Variants in NFU1 observed in about 807,000 individuals in gnomAD.
NFU1 encodes NFU1 iron-sulfur cluster scaffold.
A neutral mutation model predicts 32.2 loss-of-function variants in NFU1; 30 were observed. The ratio of observed to expected loss-of-function variants is 0.93; its 90% CI spans 0.70 to 1.26. The LOEUF (loss-of-function observed/expected upper bound fraction) is 1.26, where lower values mean the gene tolerates loss of function less well. Among genes scored for constraint, NFU1 ranks in the 50% most tolerant of loss-of-function variants. NFU1 has a pLI of 0.00. For missense variants in NFU1, 306 were observed against 306.6 expected (o/e 1.00, Z 0.02); for synonymous variants, 112 against 104.6 (o/e 1.07, Z -0.43).
chr2:69,409,483 A>T (rs569981471), intron 5 of NFU1, among the ~76,000 whole-genome samples: 1 of 152,340 alleles, frequency 6.6e-6, no homozygotes, highest in Admixed American at 6.5e-5. Flanking sequence ...AAAGATAATT[A>T]TACAAATGTT....
At chr2:69,414,269 T>G (rs1672981210) in intron 5 of NFU1, among the ~76,000 whole-genome samples, 1 of 152,074 alleles carries the variant, frequency 6.6e-6, no homozygotes, top group Admixed American at 6.6e-5. Context: ...TTTTTTGAAA[T>G]GGATATGTTT....
chr2:69,433,432 G>A lies in NFU1; in HGVS notation c.63-1427C>T, dbSNP rs150497872. On this transcript the variant is annotated intron_variant, in intron 1 of 7. Transcript: ENST00000410022. ...TGACCTCAGGTGATCCTCCCGTATC[G>A]GCCTCCCAAAGTGCTGAGATTACAG... is the stretch of plus-strand genomic sequence containing the variant. Among the ~76,000 whole-genome samples, 970 of 151,482 alleles carry A rather than the reference G, an allele frequency of 6.4e-3. 8 individuals carry two copies. The highest frequency in any genetic ancestry group is 0.022 in the African/African-American group (889 of 41,334).
chr2:69,431,262 C>T (rs1011102358), intron 2 of NFU1, among the ~76,000 whole-genome samples: 1 of 152,054 alleles, frequency 6.6e-6, no homozygotes, highest in Non-Finnish European at 1.5e-5. Context: ...AAAAAAAGGA[C>T]AGCAGTAGCT....
chr2:69,433,971 A>C (rs1332844816), intron 1 of NFU1, among the ~76,000 whole-genome samples: 3 of 144,078 alleles, frequency 2.1e-5, no homozygotes, highest in African/African-American at 7.8e-5. Flanking sequence ...TCTGGTAGAG[A>C]TGGATTACCA....
chr2:69,426,202 C>T (rs961662863), intron 2 of NFU1, among the ~76,000 whole-genome samples: 10 of 152,240 alleles, frequency 6.6e-5, no homozygotes, highest in African/African-American at 1.9e-4. Context: ...GAACTCCTGG[C>T]CTCAGGCGAT....
At chr2:69,401,173 A>G (rs746134852) in intron 6 of NFU1, among the ~76,000 whole-genome samples, 5 of 152,192 alleles carry the variant, frequency 3.3e-5, no homozygotes, top group Non-Finnish European at 5.9e-5. Flanking sequence ...CTAAGTTTTC[A>G]CAAAGTGAAC....
At chr2:69,398,549 G>A (rs1263487147) in intron 7 of NFU1, among the ~76,000 whole-genome samples, 1 of 152,140 alleles carries the variant, frequency 6.6e-6, no homozygotes, top group East Asian at 1.9e-4. Context: ...CATAAATCTT[G>A]CCCTTAAGCA....
intron 2 of NFU1, 33 bp from the exon 3 acceptor site, chr2:69,423,750 G>GA: frequency 1.3e-6 from 2 of 1,500,916 alleles, no homozygotes; most frequent in Non-Finnish European, 1.8e-6. Flanking sequence ...TGTTATTCTA[G>GA]AAAAAACAGT....
At position 69,437,349 on chromosome 2, in the gene NFU1, C is replaced by T. The variant is rs1180911781; in HGVS notation, c.62+12G>A. The T allele has an allele frequency of 3.7e-6, 6 of 1,605,116 alleles. No individual in the cohort carries two copies. Among genetic ancestry groups the T allele is most frequent in the South Asian group, 2.2e-5 (2 of 90,320 alleles). On this transcript the variant is annotated intron_variant, in intron 1 of 7. Coordinates refer to ENST00000410022, the MANE Select transcript of NFU1 (RefSeq NM_001002755.4). ...CGGCACACCTATTCGGAGCTCCAGGCTCGTCACCTACCGCCTGCGCAGCCC... is the reference window on the plus strand; with the variant it reads ...CGGCACACCTATTCGGAGCTCCAGGTTCGTCACCTACCGCCTGCGCAGCCC...
At chr2:69,423,496 G>A (rs372329450) in intron 3 of NFU1, 86 bp downstream of exon 3, 4 of 1,217,848 alleles carry the variant, frequency 3.3e-6, no homozygotes, top group African/African-American at 1.5e-5. Context: ...ACATAGAAAT[G>A]CAATAGTTAA....
At chr2:69,431,263 A>G (rs1161229506) in intron 2 of NFU1, among the ~76,000 whole-genome samples, 1 of 152,194 alleles carries the variant, frequency 6.6e-6, no homozygotes, top group East Asian at 1.9e-4. Context: ...AAAAAAGGAC[A>G]GCAGTAGCTT....
intron 6 of NFU1, among the ~76,000 whole-genome samples, chr2:69,401,176 A>G (rs1672510441): frequency 6.6e-6 from 1 of 152,174 alleles, no homozygotes; most frequent in Non-Finnish European, 1.5e-5. Context: ...AGTTTTCACA[A>G]AGTGAACACA....
intron 3 of NFU1, among the ~76,000 whole-genome samples, chr2:69,422,635 T>G (rs1442212892): frequency 6.6e-6 from 1 of 152,124 alleles, no homozygotes; most frequent in Non-Finnish European, 1.5e-5. Flanking sequence ...AGTAAAAATA[T>G]AAGTTTTTAT....
chr2:69,425,752 T>C (rs1309193800), intron 2 of NFU1, among the ~76,000 whole-genome samples: 2 of 151,110 alleles, frequency 1.3e-5, no homozygotes, highest in African/African-American at 4.9e-5. Flanking sequence ...TCCCAAAGTG[T>C]TGGGATTACA....
chr2:69,438,117 A>G (rs1294775262), upstream of NFU1, among the ~76,000 whole-genome samples: 1 of 152,158 alleles, frequency 6.6e-6, no homozygotes, highest in Admixed American at 6.5e-5. Flanking sequence ...CAAAGTGCGG[A>G]CTAGGGGCCA....
At chr2:69,437,716 G>A, upstream of NFU1, 1 of 528,268 alleles carries the variant, frequency 1.9e-6, no homozygotes, top group African/African-American at 1.9e-5. Flanking sequence ...TAGGTTTTTA[G>A]CTGGTGCTGG....
chr2:69,437,313 GC>G (rs770270016), intron 1 of NFU1, 47 bp downstream of exon 1: 1 of 1,579,396 alleles, frequency 6.3e-7, no homozygotes, highest in African/African-American at 1.3e-5. Flanking sequence ...CGCTCCGCTG[GC>G]TAAGCCCAGC....
At chr2:69,430,278 T>C (rs949006916) in intron 2 of NFU1, among the ~76,000 whole-genome samples, 1 of 151,948 alleles carries the variant, frequency 6.6e-6, no homozygotes, top group African/African-American at 2.4e-5. Context: ...AGTGGCATGA[T>C]TACAGCTCAC....
At chr2:69,425,623 G>A (rs1472288128) in intron 2 of NFU1, among the ~76,000 whole-genome samples, 6 of 151,864 alleles carry the variant, frequency 4.0e-5, no homozygotes, top group Admixed American at 3.9e-4. Flanking sequence ...CCAAAGTGGT[G>A]GGATTACAGG....
Sources: gnomAD v4.1 joint callset for allele counts (sites outside exome capture counted in the v4.1 genomes callset) on GRCh38, gnomAD v4.1.1 for gene constraint, MANE v1.5 for transcripts, NCBI Gene and HGNC (gene_info 2026-07-23, HGNC 2026-07-21) for gene names.